The following USP34 variants were observed in gnomAD, a reference collection of about 807,000 sequenced individuals.
USP34 encodes the protein ubiquitin carboxyl-terminal hydrolase 34.
Under a neutral mutation model 460.3 loss-of-function variants are expected in USP34, and 70 were observed. The observed-to-expected ratio is 0.15, with a 90% CI of 0.13 to 0.19. The LOEUF is 0.19. Ranked by LOEUF, USP34 falls within the 10% of genes least tolerant of loss-of-function variation. The probability of loss-of-function intolerance (pLI) is 1.00; values close to 1 mark genes in which losing one functional copy is unlikely to be tolerated. For missense variants in USP34, 3,985 were observed against 4,236.2 expected (o/e 0.94, Z 1.65); for synonymous variants, 1,647 against 1,405.3 (o/e 1.17, Z -3.85).
chr2:61,331,572 T>G (rs1691264331), intron 19 of USP34, among the ~76,000 whole-genome samples: 1 of 152,066 alleles, frequency 6.6e-6, no homozygotes, highest in South Asian at 2.1e-4. Flanking sequence ...TTAAAGTACC[T>G]TTGTAAGTTT....
At chr2:61,459,091 C>T (rs1240694812) in intron 1 of USP34, among the ~76,000 whole-genome samples, 2 of 152,078 alleles carry the variant, frequency 1.3e-5, no homozygotes, top group Non-Finnish European at 2.9e-5. Context: ...CAAATCTTGC[C>T]TAATCCACTT....
chr2:61,454,863 T>TGG (rs1695388041), intron 1 of USP34, among the ~76,000 whole-genome samples: 3 of 89,886 alleles, frequency 3.3e-5, no homozygotes, highest in Non-Finnish European at 7.0e-5. Context: ...AGTGGGGTTT[T>TGG]TTTTTTCTTT....
At chr2:61,304,451 T>A (rs951849283) in intron 27 of USP34, among the ~76,000 whole-genome samples, 2 of 152,224 alleles carry the variant, frequency 1.3e-5, no homozygotes, top group African/African-American at 2.4e-5. Flanking sequence ...TCCCCAAATC[T>A]GTATGTCGAA....
intron 48 of USP34, 97 bp from the exon 49 acceptor site, chr2:61,248,780 A>G: frequency 8.6e-7 from 1 of 1,168,534 alleles, no homozygotes; most frequent in South Asian, 1.8e-5. Context: ...TTTTCAACTC[A>G]GAGTTAAGAA....
intron 75 of USP34, among the ~76,000 whole-genome samples, chr2:61,195,025 G>T (rs1274988039): frequency 6.6e-6 from 1 of 151,034 alleles, no homozygotes; most frequent in African/African-American, 2.4e-5. Flanking sequence ...TTGGGAGGCC[G>T]AGGCAGGAGA....
intron 1 of USP34, among the ~76,000 whole-genome samples, chr2:61,454,440 TTTTG>T (rs1466178299): frequency 1.3e-5 from 2 of 150,026 alleles, no homozygotes; most frequent in East Asian, 2.0e-4. Context: ...TTGTTTGTTG[TTTTG>T]TTTTTGTTTT....
At chr2:61,458,720 T>G (rs1007663890) in intron 1 of USP34, among the ~76,000 whole-genome samples, 3 of 149,418 alleles carry the variant, frequency 2.0e-5, no homozygotes, top group African/African-American at 4.9e-5. Context: ...CATATTTCAC[T>G]CCTCTCATTC....
At chr2:61,280,935 C>T (rs1465329915) in intron 38 of USP34, among the ~76,000 whole-genome samples, 155 bp downstream of exon 38, 2 of 152,130 alleles carry the variant, frequency 1.3e-5, no homozygotes, top group Non-Finnish European at 2.9e-5. Flanking sequence ...TGTCACAATG[C>T]TGTCACCTTA....
At chr2:61,438,895 G>C (rs183540051) in intron 1 of USP34, among the ~76,000 whole-genome samples, 1 of 152,130 alleles carries the variant, frequency 6.6e-6, no homozygotes, top group African/African-American at 2.4e-5. Flanking sequence ...AGCTGCAGAT[G>C]ACATGACCTT....
At chr2:61,238,110 G>C (rs1688125702) in intron 53 of USP34, among the ~76,000 whole-genome samples, 1 of 151,706 alleles carries the variant, frequency 6.6e-6, no homozygotes, top group Non-Finnish European at 1.5e-5. Context: ...TGGCCAGGCT[G>C]GTCTCGAACT....
Position 61,331,190 on chromosome 2 carries a change from T to A in USP34, c.2930+86A>T, listed in dbSNP as rs551401524. ...TTTTCTGTTACAATTACTTATTATA[T>A]GAAAAAAAGTTAAAACACTGGAAAA... is the stretch of plus-strand genomic sequence containing the variant. On this transcript the variant is annotated intron_variant, in intron 20 of 79. Coordinates refer to ENST00000398571, the MANE Select transcript of USP34 (RefSeq NM_014709.4). 2.5e-5 allele frequency: 29 copies of A among 1,148,150 alleles called. No homozygotes were observed. The Admixed American group carries it at 5.9e-4, about 24-fold the overall frequency. 71.1% of individuals were successfully genotyped at this position (1,148,150 alleles called of 1,614,324 possible). A position where few individuals can be genotyped will look rare whatever the true frequency, so the allele number is the denominator to read the frequency against.
chr2:61,188,857 T>C, intron 79 of USP34, 53 bp downstream of exon 79: 1 of 1,604,246 alleles, frequency 6.2e-7, no homozygotes, highest in South Asian at 1.1e-5. Flanking sequence ...ACACCAAGTG[T>C]ATTACTCCCT....
chr2:61,315,012 G>C (rs762060428), intron 23 of USP34, 38 bp from the exon 24 acceptor site: 2 of 1,529,592 alleles, frequency 1.3e-6, no homozygotes, highest in Non-Finnish European at 9.0e-7. Flanking sequence ...AATTTTGTTT[G>C]TCAAACTATG....
At chr2:61,334,809 C>T (rs1198517015) in intron 18 of USP34, among the ~76,000 whole-genome samples, 1 of 152,252 alleles carries the variant, frequency 6.6e-6, no homozygotes, top group East Asian at 1.9e-4. Flanking sequence ...AAATAAGACT[C>T]ATCTTCCTTC....
At chr2:61,384,005 T>C (rs1377211992) in intron 5 of USP34, among the ~76,000 whole-genome samples, 1 of 152,126 alleles carries the variant, frequency 6.6e-6, no homozygotes. Flanking sequence ...ACTGTATTAG[T>C]TTTTTAATAA....
At position 61,350,592 on chromosome 2, in the gene USP34, A is replaced by C; in HGVS notation, c.1353T>G (p.Leu451=). 1.2e-6 allele frequency: 2 copies of C among 1,613,130 alleles called. No individual in the cohort carries two copies. ...CCTGTTCAGTATGAACACTTGGCTCAAGAGCTGAGACCAGATTAAGTAGAT... is the reference window on the plus strand; with the variant it reads ...CCTGTTCAGTATGAACACTTGGCTCCAGAGCTGAGACCAGATTAAGTAGAT... ...LRHLLNLVSA[L]EPSVHTEQTL... is the part of the protein sequence containing the mutation. Residue 451 remains leucine (L), a synonymous_variant, in exon 11 of 80, where the codon CTT becomes CTG. Transcript: ENST00000398571.
chr2:61,241,505 T>C (rs553005413), intron 53 of USP34, 55 bp downstream of exon 53: 2 of 1,325,748 alleles, frequency 1.5e-6, no homozygotes, highest in African/African-American at 2.9e-5. Flanking sequence ...CAGTATTCCT[T>C]GCATAAACAC....
intron 67 of USP34, among the ~76,000 whole-genome samples, chr2:61,218,465 C>G (rs1284998329): frequency 6.6e-6 from 1 of 152,126 alleles, no homozygotes; most frequent in East Asian, 1.9e-4. Context: ...GTTTCCCCCA[C>G]AGTTAACACT....
intron 29 of USP34, among the ~76,000 whole-genome samples, chr2:61,299,321 CA>C (rs1690146995): frequency 6.6e-6 from 1 of 152,156 alleles, no homozygotes; most frequent in African/African-American, 2.4e-5. Context: ...CTCTCAATCT[CA>C]AAATTGTGAT....
Sources: allele counts gnomAD v4.1 joint callset (sites outside exome capture counted in the v4.1 genomes callset), GRCh38; gene constraint gnomAD v4.1.1; transcripts MANE v1.5; gene names NCBI Gene and HGNC (gene_info 2026-07-23, HGNC 2026-07-21).